Variants in MGST2 observed in about 807,000 individuals in gnomAD.
MGST2 encodes the protein glutathione peroxidase MGST2.
A neutral mutation model predicts 16.6 loss-of-function variants in MGST2; 9 were observed. That is an observed-to-expected ratio of 0.54 (90% CI 0.33 to 0.95). The LOEUF is 0.95. MGST2 is among the 40% of genes least tolerant of loss of function. The pLI is 0.03. For missense variants in MGST2, 159 were observed against 175.1 expected (o/e 0.91, Z 0.52); for synonymous variants, 79 against 68.0 (o/e 1.16, Z -0.79).
chr4:139,705,233 C>T (rs1185822273), downstream of MGST2, among the ~76,000 whole-genome samples: 1 of 152,128 alleles, frequency 6.6e-6, no homozygotes, highest in Non-Finnish European at 1.5e-5. Flanking sequence ...GAGTCAAGCT[C>T]AAATCTGTCT....
In MGST2 at chr4:139,709,728, T is replaced by C. The variant is rs569048934; in HGVS notation, c.*48+5532T>C. ...AAGTTAAAACCTAAAATCAGATTCT[T>C]GGTAGCCCTGAAGATTTTCTGTGTT... On this transcript the variant is annotated intron_variant, in intron 5 of 5. Transcript: ENST00000616265. 2.0e-5 allele frequency among the ~76,000 whole-genome samples: 3 copies of C among 152,374 alleles called. No individual in the cohort carries two copies. The East Asian group carries it at 5.8e-4, about 29-fold the overall frequency.
chr4:139,742,650 G>C (rs1249663642), downstream of MGST2, among the ~76,000 whole-genome samples: 1 of 152,192 alleles, frequency 6.6e-6, no homozygotes, highest in Non-Finnish European at 1.5e-5. Context: ...CCTCAGCTGT[G>C]TAAAGGAAAA....
the MGST2 span, among the ~76,000 whole-genome samples, chr4:139,751,726 T>G: frequency 6.6e-6 from 1 of 152,160 alleles, no homozygotes; most frequent in Non-Finnish European, 1.5e-5. Context: ...GGGTAGACCT[T>G]GTGCCTGGAG....
chr4:139,703,443 A>T lies in MGST2; in HGVS notation c.230-12A>T. 1 of 1,608,290 alleles carries T rather than the reference A, an allele frequency of 6.2e-7. No individual in the cohort carries two copies. The stretch of plus-strand genomic sequence containing the variant: ...TTTGTGCCTTTTCTTTTTTTTTCCC[A>T]CCCCCCTATAGTTTTTGCTACTTGT... On this transcript the variant is annotated splice_polypyrimidine_tract_variant and intron_variant, in intron 3 of 4. Transcript: ENST00000265498.
intron 1 of MGST2, among the ~76,000 whole-genome samples, chr4:139,667,468 A>C (rs956825513): frequency 8.4e-6 from 1 of 119,700 alleles, no homozygotes; most frequent in East Asian, 2.7e-4. Context: ...AACTGGGGCC[A>C]GAATGTTAGG....
chr4:139,672,821 G>A (rs1730769473), intron 1 of MGST2, among the ~76,000 whole-genome samples: 1 of 152,162 alleles, frequency 6.6e-6, no homozygotes. Context: ...AAAGTGTTGG[G>A]ATTACAGGCG....
intron 5 of MGST2, chr4:139,720,033 G>A (rs370038276): frequency 1.2e-4 from 201 of 1,613,954 alleles, no homozygotes; most frequent in Non-Finnish European, 1.6e-4. Flanking sequence ...CCAGAGGCAG[G>A]TTGCCTCGGT....
At chr4:139,685,839 T>G (rs1731530160) in intron 2 of MGST2, among the ~76,000 whole-genome samples, 1 of 152,150 alleles carries the variant, frequency 6.6e-6, no homozygotes. Context: ...AATTTTTGTA[T>G]TTTTAGTAGA....
At chr4:139,714,022 G>A (rs1727839761) in intron 5 of MGST2, among the ~76,000 whole-genome samples, 1 of 152,124 alleles carries the variant, frequency 6.6e-6, no homozygotes, top group African/African-American at 2.4e-5. Flanking sequence ...CTATTTCCTG[G>A]AAGGTGGAGA....
chr4:139,695,309 T>C (rs1201104976), intron 3 of MGST2, 42 bp downstream of exon 3: 2 of 1,476,300 alleles, frequency 1.4e-6, no homozygotes, highest in Non-Finnish European at 1.9e-6. Context: ...ATGATGACTG[T>C]GATGCTTAAA....
At chr4:139,676,828 C>T (rs1730985661) in intron 1 of MGST2, among the ~76,000 whole-genome samples, 1 of 152,154 alleles carries the variant, frequency 6.6e-6, no homozygotes, top group Non-Finnish European at 1.5e-5. Flanking sequence ...AGATAGATTT[C>T]TTTGACAGAT....
At chr4:139,711,259 T>C (rs1307910742) in intron 5 of MGST2, among the ~76,000 whole-genome samples, 1 of 151,954 alleles carries the variant, frequency 6.6e-6, no homozygotes, top group Non-Finnish European at 1.5e-5. Flanking sequence ...AGAAATATGT[T>C]ACAGGAAAAG....
At chr4:139,753,615 T>A in the MGST2 span, among the ~76,000 whole-genome samples, 6 of 152,154 alleles carry the variant, frequency 3.9e-5, no homozygotes, top group Non-Finnish European at 5.9e-5. Context: ...ATATCTGTAT[T>A]AGGGCAACTG....
Position 139,678,618 on chromosome 4 carries a change from A to G in MGST2, c.134A>G (p.Glu45Gly), listed in dbSNP as rs200758092. The G allele has an allele frequency of 1.2e-6, 2 of 1,613,822 alleles. No individual in the cohort carries two copies. The highest frequency in any genetic ancestry group is 4.5e-5 in the East Asian group (2 of 44,858). Residue 45 changes from glutamate (E) to glycine (G), a missense_variant, in exon 2 of 5, where the codon GAG (glutamate) becomes GGG (glycine). Glu to Gly is a moderately conservative substitution (Grantham distance 98). Coordinates refer to ENST00000265498, the MANE Select transcript of MGST2 (RefSeq NM_002413.5). ...VTPPAVTGSP[E>G]FERVFRAQQN... ...CCCCCAGCAGTCACTGGGTCACCAGAGTTTGAGAGAGTATTTCGGGCACAG... is the reference window on the plus strand; with the variant it reads ...CCCCCAGCAGTCACTGGGTCACCAGGGTTTGAGAGAGTATTTCGGGCACAG...
chr4:139,685,151 C>G (rs1051211610), intron 2 of MGST2: 2 of 152,406 alleles, frequency 1.3e-5, no homozygotes, highest in African/African-American at 2.4e-5. Context: ...CATGTGCTGT[C>G]TTTCCCGCAG....
chr4:139,695,308 G>A (rs2646077), intron 3 of MGST2, 41 bp downstream of exon 3: 495,449 of 1,479,876 alleles, frequency 0.33, 94,623 homozygotes, highest in African/African-American at 0.77. Flanking sequence ...AATGATGACT[G>A]TGATGCTTAA....
chr4:139,737,395 C>T (rs1728988188), intron 5 of MGST2, among the ~76,000 whole-genome samples: 1 of 151,042 alleles, frequency 6.6e-6, no homozygotes, highest in African/African-American at 2.4e-5. Context: ...GACTTTTCCA[C>T]TGACCATAAC....
At chr4:139,747,942 T>C in the MGST2 span, among the ~76,000 whole-genome samples, 4 of 148,908 alleles carry the variant, frequency 2.7e-5, no homozygotes, top group Non-Finnish European at 1.5e-5. Context: ...TAATCCCAGC[T>C]ACTTGGGAGG....
At chr4:139,703,410 T>C in intron 3 of MGST2, 45 bp from the exon 4 acceptor site, 1 of 1,460,570 alleles carries the variant, frequency 6.8e-7, no homozygotes, top group East Asian at 2.3e-5. Context: ...AAGAGACTGC[T>C]GTTGTATTTT....
Sources: gnomAD v4.1 joint callset for allele counts (sites outside exome capture counted in the v4.1 genomes callset) on GRCh38, gnomAD v4.1.1 for gene constraint, MANE v1.5 for transcripts, NCBI Gene and HGNC (gene_info 2026-07-23, HGNC 2026-07-21) for gene names.